The following NDUFA12 variants were observed in gnomAD, a reference collection of about 807,000 sequenced individuals.
NDUFA12 encodes NADH dehydrogenase [ubiquinone] 1 alpha subcomplex subunit 12.
In NDUFA12, 17 loss-of-function variants were observed where a neutral mutation model predicts 20.3. That is an observed-to-expected ratio of 0.84 (90% CI 0.57 to 1.26). NDUFA12 has a LOEUF of 1.26. Ranked by LOEUF, NDUFA12 falls within the 50% of genes most tolerant of loss-of-function variation. NDUFA12 has a pLI of 0.00. For missense variants in NDUFA12, 191 were observed against 183.7 expected, an observed-to-expected ratio of 1.04 and a Z score of -0.23; for synonymous variants, 72 against 63.6, an observed-to-expected ratio of 1.13 and a Z score of -0.63.
chr12:94,985,057 T>G (rs1565815459), intron 3 of NDUFA12, among the ~76,000 whole-genome samples: 1 of 136,078 alleles, frequency 7.3e-6, no homozygotes, highest in Non-Finnish European at 1.6e-5. Context: ...GCATGATGGC[T>G]CATGCCTGTA....
At position 94,994,249 on chromosome 12, in the gene NDUFA12, G is replaced by A. The variant is rs387907139; in HGVS notation, c.178C>T (p.Arg60Ter). 4.6e-5 allele frequency: 74 copies of A among 1,613,814 alleles called. No individual in the cohort carries two copies. The highest frequency in any genetic ancestry group is 1.9e-4 in the African/African-American group (14 of 74,920). ...EDNKQFFGRH[R>*]WVVYTTEMNG... is the part of the protein sequence containing the mutation. The stretch of plus-strand genomic sequence containing the variant: ...ATTTCAGTAGTATATACAACCCATC[G>A]GTGACGGCCTGGGTGGGAAGATGAA... Residue 60 changes from arginine (R) to a stop codon, truncating the protein, a stop_gained, in exon 3 of 4, where the codon CGA becomes TGA. Coordinates refer to ENST00000327772, the MANE Select transcript of NDUFA12 (RefSeq NM_018838.5). LOFTEE classifies it high-confidence loss of function.
At chr12:94,985,367 G>A (rs953770088) in intron 3 of NDUFA12, among the ~76,000 whole-genome samples, 1 of 152,082 alleles carries the variant, frequency 6.6e-6, no homozygotes, top group African/African-American at 2.4e-5. Context: ...GCTCACGCCT[G>A]TAATCCCAGC....
intron 3 of NDUFA12, among the ~76,000 whole-genome samples, chr12:94,988,133 T>C (rs1874515124): frequency 6.6e-6 from 1 of 152,212 alleles, no homozygotes; most frequent in Non-Finnish European, 1.5e-5. Flanking sequence ...TCATCCCTTA[T>C]GAGGGCTCCA....
chr12:94,972,979 TG>T (rs1248365811), intron 3 of NDUFA12, among the ~76,000 whole-genome samples: 4 of 146,576 alleles, frequency 2.7e-5, no homozygotes, highest in South Asian at 2.2e-4. Flanking sequence ...ATGACCTTAT[TG>T]GGGGAAAAGA....
chr12:94,994,164 G>A lies in NDUFA12; in HGVS notation c.257+6C>T, dbSNP rs753568671. 7 of 1,612,710 alleles carry A rather than the reference G, an allele frequency of 4.3e-6. No homozygotes were observed. In the Admixed American group the frequency reaches 1.0e-4, roughly 23 times the overall value. ...GAAAGACAAATAAAATGTTGTCTTA[G>A]CTTACCATTCAGGAGGCACCATGCT... On this transcript the variant is annotated splice_donor_region_variant and intron_variant, in intron 3 of 3. Transcript: ENST00000327772.
At chr12:94,982,671 C>T (rs1296201529) in intron 3 of NDUFA12, among the ~76,000 whole-genome samples, 3 of 152,002 alleles carry the variant, frequency 2.0e-5, no homozygotes, top group East Asian at 1.9e-4. Context: ...CAAAGCTTTA[C>T]GCTCCACCAG....
intron 3 of NDUFA12, among the ~76,000 whole-genome samples, chr12:94,984,845 G>A (rs1874364864): frequency 1.3e-5 from 2 of 150,876 alleles, no homozygotes; most frequent in African/African-American, 4.9e-5. Context: ...GGGCGTGGCA[G>A]CGCACGCCTG....
intron 3 of NDUFA12, among the ~76,000 whole-genome samples, chr12:94,977,483 C>T (rs142303894): frequency 7.4e-6 from 1 of 135,484 alleles, no homozygotes; most frequent in African/African-American, 2.8e-5. Flanking sequence ...AAAAAAAAAA[C>T]ACCCCTCCGC....
Position 95,002,988 on chromosome 12 carries a change from C to A in NDUFA12, c.87-167G>T, listed in dbSNP as rs576499727. On this transcript the variant is annotated intron_variant, in intron 1 of 3. Coordinates refer to ENST00000327772, the MANE Select transcript of NDUFA12 (RefSeq NM_018838.5). ...AAGATGAATTGACAACTGATGTGCTCAAATTACACTAAAAATATAAATGTA... is the reference window on the plus strand; with the variant it reads ...AAGATGAATTGACAACTGATGTGCTAAAATTACACTAAAAATATAAATGTA... Among the ~76,000 whole-genome samples the A allele has an allele frequency of 2.6e-4, 39 of 152,328 alleles. 1 individual carries two copies. The highest frequency in any genetic ancestry group is 2.1e-3 in the South Asian group (10 of 4,822).
At chr12:95,001,760 A>C (rs1015785200) in intron 2 of NDUFA12, among the ~76,000 whole-genome samples, 1 of 152,132 alleles carries the variant, frequency 6.6e-6, no homozygotes, top group African/African-American at 2.4e-5. Flanking sequence ...ACTGGAGTAG[A>C]GTGGCGGGAT....
intron 2 of NDUFA12, among the ~76,000 whole-genome samples, chr12:94,998,340 A>G (rs1039954554): frequency 6.6e-6 from 1 of 152,242 alleles, no homozygotes; most frequent in African/African-American, 2.4e-5. Flanking sequence ...TCAAAGTAAA[A>G]AAAGCCATAT....
intron 3 of NDUFA12, among the ~76,000 whole-genome samples, chr12:94,986,996 G>A (rs1874465775): frequency 6.6e-6 from 1 of 152,032 alleles, no homozygotes; most frequent in South Asian, 2.1e-4. Context: ...GATGAGTAAG[G>A]GGATACTTAC....
intron 2 of NDUFA12, 38 bp from the exon 3 acceptor site, chr12:94,994,295 T>C: frequency 6.4e-7 from 1 of 1,559,670 alleles, no homozygotes; most frequent in Non-Finnish European, 8.8e-7. Context: ...GAAAAACTTT[T>C]TTTTTTAAAG....
intron 2 of NDUFA12, among the ~76,000 whole-genome samples, chr12:94,998,952 T>A (rs557760865): frequency 6.6e-6 from 1 of 152,072 alleles, no homozygotes; most frequent in African/African-American, 2.4e-5. Flanking sequence ...CAAAATACCA[T>A]CATCATTCTT....
chr12:94,975,300 T>C (rs766386620), intron 3 of NDUFA12, among the ~76,000 whole-genome samples: 14 of 152,016 alleles, frequency 9.2e-5, no homozygotes, highest in Non-Finnish European at 1.9e-4. Context: ...AAATATCCAA[T>C]AGAAAACTGG....
At chr12:94,995,520 C>CTTTATTTA (rs779716684) in intron 2 of NDUFA12, among the ~76,000 whole-genome samples, 1 of 151,934 alleles carries the variant, frequency 6.6e-6, no homozygotes. Context: ...AGAAATTCAA[C>CTTTATTTA]TTTATTTATT....
chr12:95,002,918 G>T, intron 1 of NDUFA12, 97 bp from the exon 2 acceptor site: 1 of 1,016,314 alleles, frequency 9.8e-7, no homozygotes, highest in Non-Finnish European at 1.6e-6. Flanking sequence ...AGACACAAGG[G>T]CTGCTGCATC....
intron 2 of NDUFA12, among the ~76,000 whole-genome samples, chr12:95,001,486 G>A (rs1388040137): frequency 1.3e-5 from 2 of 152,056 alleles, no homozygotes; most frequent in East Asian, 1.9e-4. Flanking sequence ...CAATTAGCCA[G>A]GCATGGTGAC....
intron 2 of NDUFA12, among the ~76,000 whole-genome samples, chr12:94,999,952 C>T (rs1004075762): frequency 1.3e-5 from 2 of 152,128 alleles, no homozygotes; most frequent in Admixed American, 1.3e-4. Context: ...AACTACCATT[C>T]GATCCAGCAA....
Sources: gnomAD v4.1 joint callset for allele counts (sites outside exome capture counted in the v4.1 genomes callset) on GRCh38, gnomAD v4.1.1 for gene constraint, MANE v1.5 for transcripts, NCBI Gene and HGNC (gene_info 2026-07-23, HGNC 2026-07-21) for gene names.